The following NBPF10 variants were observed in gnomAD, a reference collection of about 807,000 sequenced individuals.
NBPF10 encodes the protein NBPF member 10, also known as NBPF family member NBPF10.
NBPF10 carries 63 observed loss-of-function variants against 77.9 expected under a neutral mutation model. The ratio of observed to expected loss-of-function variants is 0.81; its 90% CI spans 0.66 to 1.00. The LOEUF is 1.00. NBPF10 is among the 50% of genes least tolerant of loss of function. The pLI, the probability that NBPF10 is intolerant of heterozygous loss-of-function variation, is 0.00. For synonymous variants in NBPF10, 146 were observed against 264.5 expected, an observed-to-expected ratio of 0.55 and a Z score of 4.35; for missense variants, 522 against 679.8, an observed-to-expected ratio of 0.77 and a Z score of 2.58.
chr1:146,142,152 T>G (rs1234587157), intron 2 of NBPF10, among the ~76,000 whole-genome samples: 1 of 119,596 alleles, frequency 8.4e-6, no homozygotes, highest in Non-Finnish European at 1.9e-5. Context: ...AAAATACACA[T>G]AGTGCATCTT....
At chr1:146,125,719 C>T (rs1368609978) in intron 14 of NBPF10, among the ~76,000 whole-genome samples, 1 of 133,602 alleles carries the variant, frequency 7.5e-6, no homozygotes, top group Non-Finnish European at 1.6e-5. Flanking sequence ...GTAAAATTCC[C>T]TATTCTGGTA....
chr1:146,134,642 GCAGA>G (rs1172245802), intron 8 of NBPF10, among the ~76,000 whole-genome samples: 5 of 126,664 alleles, frequency 3.9e-5, no homozygotes, highest in Non-Finnish European at 8.1e-5. Context: ...TCTCTTAGAA[GCAGA>G]CAAACTTGTC....
chr1:146,142,205 T>G (rs1226544751), intron 2 of NBPF10, among the ~76,000 whole-genome samples: 2 of 109,768 alleles, frequency 1.8e-5, no homozygotes, highest in Non-Finnish European at 4.1e-5. Flanking sequence ...TGAGGCCAGG[T>G]GCAGATGGGG....
At chr1:146,135,238 AAAGTATGGAGGTCTGGAGTCTCTCAT>A in intron 8 of NBPF10, 43 bp downstream of exon 8, 1 of 693,882 alleles carries the variant, frequency 1.4e-6, no homozygotes, top group South Asian at 1.5e-5. Flanking sequence ...TGTCATTGTG[AAAGTATGGAGGTCTGGAGTCTCTCAT>A]AAGCCTGGGA....
intron 10 of NBPF10, among the ~76,000 whole-genome samples, chr1:146,132,949 A>T (rs4661820): frequency 0.043 from 984 of 23,038 alleles, 2 homozygotes; most frequent in Non-Finnish European, 0.052. Flanking sequence ...GATGCTACAA[A>T]GAAACATTGG....
At chr1:146,066,913 T>C (rs1236742681) in intron 89 of NBPF10, among the ~76,000 whole-genome samples, 1 of 146,322 alleles carries the variant, frequency 6.8e-6, no homozygotes, top group African/African-American at 2.4e-5. Flanking sequence ...AGCTCAATAG[T>C]TTTCCATAAA....
intron 8 of NBPF10, among the ~76,000 whole-genome samples, chr1:146,134,773 GC>G (rs1412973811): frequency 1.5e-5 from 2 of 134,262 alleles, no homozygotes; most frequent in Non-Finnish European, 3.1e-5. Flanking sequence ...ACCACAAAAC[GC>G]CCCCACATAA....
intron 9 of NBPF10, 108 bp downstream of exon 9, chr1:146,134,085 C>A: frequency 9.7e-7 from 1 of 1,035,772 alleles, no homozygotes; most frequent in South Asian, 1.3e-5. Context: ...ATACTGTGGC[C>A]AAGCGAATGC....
rs1660173893 is a variant in NBPF10, at chr1:146,140,348, A to C, written c.566+136T>G. On this transcript the variant is annotated intron_variant, in intron 4 of 89. Transcript: ENST00000583866. ...ACGACAGCTGCCGCACCCTGTGTCT[A>C]AGCTGGGTTCAATTTCACATACTGT... The C allele has an allele frequency of 1.8e-5, 16 of 866,386 alleles. 3 individuals are homozygous for C. The highest frequency in any genetic ancestry group is 2.7e-5 in the Non-Finnish European group (15 of 552,292). 53.7% of individuals were successfully genotyped at this position (866,386 alleles called of 1,614,324 possible). A position where few individuals can be genotyped will look rare whatever the true frequency, so the allele number is the denominator to read the frequency against.
intron 11 of NBPF10, among the ~76,000 whole-genome samples, chr1:146,129,109 G>A (rs201434443): frequency 6.1e-5 from 9 of 148,648 alleles, no homozygotes; most frequent in East Asian, 2.0e-4. Context: ...GCAGCTCCTC[G>A]CCAGCAATGG....
In NBPF10 at chr1:146,129,950, C is replaced by T. The variant is rs1258464629; in HGVS notation, c.1638-1668G>A. Among the ~76,000 whole-genome samples the T allele has an allele frequency of 2.2e-4, 21 of 95,176 alleles. 2 individuals carry two copies. Among genetic ancestry groups the T allele is most frequent in the African/African-American group, 9.5e-4 (20 of 21,006 alleles). 62.4% of individuals were successfully genotyped at this position (95,176 alleles called of 152,430 possible). A position where few individuals can be genotyped will look rare whatever the true frequency, so the allele number is the denominator to read the frequency against. The stretch of plus-strand genomic sequence containing the variant: ...TAAGTCTTAGGGTACATGTGCACAA[C>T]GTGCAGGTTAGTTACATATGTATAC... On this transcript the variant is annotated intron_variant, in intron 11 of 89. Coordinates refer to ENST00000583866, the Ensembl canonical transcript of NBPF10.
At chr1:146,125,766 C>T (rs1481237548) in intron 14 of NBPF10, among the ~76,000 whole-genome samples, 1 of 143,070 alleles carries the variant, frequency 7.0e-6, no homozygotes, top group Non-Finnish European at 1.5e-5. Flanking sequence ...CAAGTTTGTG[C>T]AAATGGTTAT....
intron 89 of NBPF10, among the ~76,000 whole-genome samples, chr1:146,066,833 A>G (rs1265390564): frequency 6.6e-6 from 1 of 151,734 alleles, no homozygotes; most frequent in African/African-American, 2.4e-5. Context: ...ACATACTGGT[A>G]AGGGAGTCAA....
At position 146,126,256 on chromosome 1, in the gene NBPF10, C is replaced by G. The variant is rs782733370; in HGVS notation, c.2006G>C (p.Gly669Ala). The G allele has an allele frequency of 1.4e-5, 22 of 1,608,408 alleles. No individual in the cohort carries two copies. In the South Asian group the frequency reaches 1.7e-4, roughly 12 times the overall value. Residue 669 changes from glycine (G) to alanine (A), a missense_variant, in exon 14 of 90, where the codon GGC (glycine) becomes GCC (alanine). Physicochemically the swap from Gly to Ala is moderately conservative, Grantham distance 60 (BLOSUM62 0). Transcript: ENST00000583866. ...CTCACCATCCATGTCAATAGCCAAG[C>G]CAACACGCTGTTGCTCCAATATGTA...
intron 14 of NBPF10, 112 bp from the exon 15 acceptor site, chr1:146,125,628 G>C: frequency 1.9e-6 from 1 of 523,510 alleles, no homozygotes; most frequent in Non-Finnish European, 3.4e-6. Context: ...ATGAGAATAG[G>C]ACACTGTGAG....
intron 14 of NBPF10, 94 bp downstream of exon 14, chr1:146,126,142 A>G (rs1251535366): frequency 1.2e-6 from 1 of 820,008 alleles, no homozygotes; most frequent in Non-Finnish European, 2.1e-6. Flanking sequence ...TGGCAATGAC[A>G]TCTCTCAGCT....
At chr1:146,136,548 A>G (rs1659730259) in intron 6 of NBPF10, 93 bp from the exon 7 acceptor site, 12 of 755,892 alleles carry the variant, frequency 1.6e-5, no homozygotes, top group Non-Finnish European at 2.7e-5. Flanking sequence ...CATCCCAAGG[A>G]CAAAACTCTC....
At chr1:146,138,943 C>A (rs1346488979) in intron 5 of NBPF10, among the ~76,000 whole-genome samples, 3 of 140,656 alleles carry the variant, frequency 2.1e-5, no homozygotes, top group African/African-American at 4.9e-5. Flanking sequence ...AAGTAACATG[C>A]CAGCTAATTT....
intron 14 of NBPF10, 76 bp downstream of exon 14, chr1:146,126,160 G>A (rs1553789821): frequency 8.7e-6 from 8 of 915,934 alleles, no homozygotes; most frequent in East Asian, 4.8e-5. Flanking sequence ...GCTCAGTAAC[G>A]GCCACTTGCA....
Sources: allele counts gnomAD v4.1 joint callset (sites outside exome capture counted in the v4.1 genomes callset), GRCh38; gene constraint gnomAD v4.1.1; transcripts MANE v1.5; gene names NCBI Gene and HGNC (gene_info 2026-07-23, HGNC 2026-07-21).